KCNIP4: variants seen among roughly 807,000 people sequenced by gnomAD.
KCNIP4 encodes the protein Kv channel-interacting protein 4.
KCNIP4 carries 12 observed loss-of-function variants against 34.0 expected under a neutral mutation model. That is an observed-to-expected ratio of 0.35 (90% confidence interval 0.23 to 0.57). The LOEUF (loss-of-function observed/expected upper bound fraction) is 0.57, where lower values mean the gene tolerates loss of function less well. KCNIP4 is among the 20% of genes least tolerant of loss of function. The pLI is 0.83. For synonymous variants in KCNIP4, 124 were observed against 102.2 expected (o/e 1.21, Z -1.29); for missense variants, 238 against 311.7 (o/e 0.76, Z 1.78).
chr4:21,600,553 C>T (rs1404668072), intron 1 of KCNIP4, among the ~76,000 whole-genome samples: 1 of 151,706 alleles, frequency 6.6e-6, no homozygotes, highest in East Asian at 1.9e-4. Context: ...CTATAGTCAT[C>T]CTACTGATCA....
intron 1 of KCNIP4, among the ~76,000 whole-genome samples, chr4:21,920,988 C>T (rs1425628544): frequency 6.6e-6 from 1 of 152,188 alleles, no homozygotes; most frequent in East Asian, 1.9e-4. Flanking sequence ...AGTGCTGTCT[C>T]TCTAATCATT....
chr4:20,945,807 G>A (rs930716759), intron 1 of KCNIP4, among the ~76,000 whole-genome samples: 2 of 152,186 alleles, frequency 1.3e-5, no homozygotes, highest in Non-Finnish European at 2.9e-5. Context: ...AGATCAACGG[G>A]TTTTATTTCA....
chr4:21,062,781 A>G lies in KCNIP4; in HGVS notation c.62-180072T>C, dbSNP rs531288104. 3.2e-3 allele frequency among the ~76,000 whole-genome samples: 491 copies of G among 152,188 alleles called. 12 individuals are homozygous for G. The highest frequency in any genetic ancestry group is 3.4e-3 in the Non-Finnish European group (229 of 68,006). ...GATGTTTCAGTTTGAATTTGAAGGC[A>G]AGAACAATTCCCCTTTACTTGAGGG... On this transcript the variant is annotated intron_variant, in intron 1 of 8. Coordinates refer to ENST00000382152, the MANE Select transcript of KCNIP4 (RefSeq NM_025221.6).
At position 21,343,176 on chromosome 4, in the gene KCNIP4, A is replaced by G. The variant is rs116559356; in HGVS notation, c.62-460467T>C. Among the ~76,000 whole-genome samples, 1,300 of 152,216 alleles carry G rather than the reference A, an allele frequency of 8.5e-3. 31 individuals are homozygous for G. The highest frequency in any genetic ancestry group is 0.03 in the African/African-American group (1,226 of 41,522). On this transcript the variant is annotated intron_variant, in intron 1 of 8. Transcript: ENST00000382152. ...AACTTGTGAAGCTGCTTTTAAGTCT[A>G]TGATAAATAGGCTTAAATAGAAAAA... is the stretch of plus-strand genomic sequence containing the variant.
intron 1 of KCNIP4, among the ~76,000 whole-genome samples, chr4:20,961,455 A>T (rs1733840422): frequency 6.6e-6 from 1 of 152,220 alleles, no homozygotes; most frequent in African/African-American, 2.4e-5. Context: ...AGAATGAAAA[A>T]GCCCCAAAAC....
At chr4:21,713,895 A>C (rs1310825014) in intron 1 of KCNIP4, among the ~76,000 whole-genome samples, 1 of 152,208 alleles carries the variant, frequency 6.6e-6, no homozygotes, top group Non-Finnish European at 1.5e-5. Flanking sequence ...ACCCATGATT[A>C]GACTTCAATC....
chr4:21,870,808 C>A (rs1222995340), intron 1 of KCNIP4, among the ~76,000 whole-genome samples: 1 of 152,148 alleles, frequency 6.6e-6, no homozygotes, highest in African/African-American at 2.4e-5. Context: ...TTCTGAAACT[C>A]ATTTGCTCAT....
chr4:20,735,179 G>T (rs2149276112), intron 5 of KCNIP4, among the ~76,000 whole-genome samples: 1 of 152,304 alleles, frequency 6.6e-6, no homozygotes, highest in South Asian at 2.1e-4. Context: ...TCTTTAATTA[G>T]AAATCCAGTT....
chr4:21,861,269 A>G (rs904507280), intron 1 of KCNIP4, among the ~76,000 whole-genome samples: 3 of 152,212 alleles, frequency 2.0e-5, no homozygotes, highest in Admixed American at 2.0e-4. Context: ...AGGGATATGA[A>G]TTTTTTGGTA....
At chr4:20,984,172 C>T (rs941353057) in intron 1 of KCNIP4, 106 of 521,722 alleles carry the variant, frequency 2.0e-4, no homozygotes, top group Middle Eastern at 1.6e-3. Flanking sequence ...CCACAGCGCA[C>T]GGACCTCTCC....
At chr4:21,555,279 G>A (rs185885328) in intron 1 of KCNIP4, among the ~76,000 whole-genome samples, 1 of 152,240 alleles carries the variant, frequency 6.6e-6, no homozygotes, top group Non-Finnish European at 1.5e-5. Context: ...TTCCGTAACT[G>A]TGATGTACTG....
At chr4:21,468,566 C>T (rs1013366837) in intron 1 of KCNIP4, among the ~76,000 whole-genome samples, 5 of 152,262 alleles carry the variant, frequency 3.3e-5, no homozygotes, top group Admixed American at 2.0e-4. Flanking sequence ...CTCTTCAGTC[C>T]TAACACAGTC....
At chr4:21,401,498 T>G (rs1469809800) in intron 1 of KCNIP4, among the ~76,000 whole-genome samples, 1 of 152,202 alleles carries the variant, frequency 6.6e-6, no homozygotes, top group Non-Finnish European at 1.5e-5. Context: ...AGCAGCAAGT[T>G]AATTTGCCCA....
intron 1 of KCNIP4, among the ~76,000 whole-genome samples, chr4:21,190,054 A>G (rs983375395): frequency 2.0e-5 from 3 of 152,196 alleles, no homozygotes; most frequent in African/African-American, 7.2e-5. Context: ...TAGAGACCCA[A>G]AGATTTCAAA....
chr4:21,555,404 A>G (rs1409523160), intron 1 of KCNIP4, among the ~76,000 whole-genome samples: 3 of 152,134 alleles, frequency 2.0e-5, no homozygotes, highest in Non-Finnish European at 4.4e-5. Context: ...TGCTCCCTTC[A>G]ATTACTCCAG....
chr4:21,583,485 G>C (rs146712663), intron 1 of KCNIP4, among the ~76,000 whole-genome samples: 2 of 152,050 alleles, frequency 1.3e-5, no homozygotes, highest in East Asian at 3.9e-4. Context: ...AGCTATTAAG[G>C]TTGAGAATAG....
intron 1 of KCNIP4, 107 bp from the exon 2 acceptor site, chr4:20,882,816 T>C: frequency 1.3e-6 from 1 of 769,940 alleles, no homozygotes; most frequent in Non-Finnish European, 2.1e-6. Flanking sequence ...GACGCAGCCA[T>C]CCACTCAGGC....
intron 1 of KCNIP4, among the ~76,000 whole-genome samples, chr4:21,284,730 G>T (rs1762995351): frequency 7.8e-6 from 1 of 128,932 alleles, no homozygotes; most frequent in Non-Finnish European, 1.6e-5. Context: ...GCATGTGGGT[G>T]CCCTTGTGTG....
intron 1 of KCNIP4, among the ~76,000 whole-genome samples, chr4:21,523,617 G>A (rs1243390408): frequency 6.6e-6 from 1 of 151,412 alleles, no homozygotes; most frequent in Admixed American, 6.6e-5. Flanking sequence ...TATCACCCAG[G>A]TTGGAGTGCA....
Sources: allele counts gnomAD v4.1 joint callset (sites outside exome capture counted in the v4.1 genomes callset), GRCh38; gene constraint gnomAD v4.1.1; transcripts MANE v1.5; gene names NCBI Gene and HGNC (gene_info 2026-07-23, HGNC 2026-07-21).